Variants in CSMD1 observed in about 807,000 individuals in gnomAD.
CSMD1 encodes CUB and Sushi multiple domains 1.
In CSMD1, 213 loss-of-function variants were observed where a neutral mutation model predicts 417.5. The ratio of observed to expected loss-of-function variants is 0.51; its 90% CI spans 0.46 to 0.57. CSMD1 has a LOEUF of 0.57. Among genes scored for constraint, CSMD1 ranks in the 20% least tolerant of loss-of-function variants. The pLI, the probability that CSMD1 is intolerant of heterozygous loss-of-function variation, is 0.00. For missense variants in CSMD1, 6,923 were observed against 4,529.7 expected, an observed-to-expected ratio of 1.53 and a Z score of -15.17; for synonymous variants, 2,862 against 1,736.8, an observed-to-expected ratio of 1.65 and a Z score of -16.11.
intron 12 of CSMD1, among the ~76,000 whole-genome samples, chr8:3,438,725 A>C (rs1256679680): frequency 6.6e-6 from 1 of 152,084 alleles, no homozygotes; most frequent in East Asian, 1.9e-4. Context: ...ACTATTACTT[A>C]TTATTATGTT....
intron 3 of CSMD1, among the ~76,000 whole-genome samples, chr8:4,215,216 C>G (rs925751945): frequency 1.3e-5 from 2 of 152,200 alleles, no homozygotes; most frequent in Non-Finnish European, 2.9e-5. Context: ...GCTGCGACCT[C>G]TAGGTAGAAA....
chr8:2,949,629 A>G (rs888614467), intron 67 of CSMD1, among the ~76,000 whole-genome samples: 4 of 152,134 alleles, frequency 2.6e-5, no homozygotes, highest in African/African-American at 9.7e-5. Context: ...CTCGAAAATG[A>G]TAGCAAATTT....
intron 37 of CSMD1, among the ~76,000 whole-genome samples, chr8:3,168,929 C>T (rs576351924): frequency 9.9e-5 from 15 of 152,208 alleles, no homozygotes; most frequent in African/African-American, 3.6e-4. Context: ...TTCTCTCTCT[C>T]TCTCTCTCAG....
At chr8:3,289,054 C>G (rs1803361965) in intron 25 of CSMD1, among the ~76,000 whole-genome samples, 1 of 146,900 alleles carries the variant, frequency 6.8e-6, no homozygotes, top group Non-Finnish European at 1.5e-5. Flanking sequence ...TCAATTCCCA[C>G]CTATGAGGGA....
At chr8:3,144,798 G>GGCAAGGGT (rs1554440516) in intron 40 of CSMD1, among the ~76,000 whole-genome samples, 3 of 86,900 alleles carry the variant, frequency 3.5e-5, no homozygotes, top group Non-Finnish European at 5.2e-5. Flanking sequence ...GCAACAAGGG[G>GGCAAGGGT]GGGGGGGAGG....
chr8:4,400,559 C>T (rs1804576784), intron 3 of CSMD1, among the ~76,000 whole-genome samples: 1 of 152,198 alleles, frequency 6.6e-6, no homozygotes, highest in Non-Finnish European at 1.5e-5. Context: ...ACAGGGCCAG[C>T]CACATCAGCC....
intron 5 of CSMD1, among the ~76,000 whole-genome samples, chr8:3,926,266 CCT>C (rs1809719955): frequency 6.6e-6 from 1 of 152,162 alleles, no homozygotes; most frequent in African/African-American, 2.4e-5. Context: ...CAATCCATGT[CCT>C]CTCTAACCAA....
chr8:3,163,038 A>G (rs1819992965), intron 37 of CSMD1, among the ~76,000 whole-genome samples: 1 of 152,236 alleles, frequency 6.6e-6, no homozygotes, highest in African/African-American at 2.4e-5. Flanking sequence ...TGTAGAATCA[A>G]AAATTGATTT....
At chr8:3,926,830 C>G (rs969129468) in intron 5 of CSMD1, among the ~76,000 whole-genome samples, 2 of 150,296 alleles carry the variant, frequency 1.3e-5, no homozygotes, top group African/African-American at 4.9e-5. Context: ...ATTCCCCTGC[C>G]TCAGACTCCC....
At chr8:3,282,534 A>C (rs1802818923) in intron 26 of CSMD1, among the ~76,000 whole-genome samples, 2 of 93,436 alleles carry the variant, frequency 2.1e-5, no homozygotes. Flanking sequence ...GATTAAGAAA[A>C]TTTTATATCA....
At position 4,042,815 on chromosome 8, in the gene CSMD1, T is replaced by TAAAAAAA. The variant is rs60411612; in HGVS notation, c.416-10723_416-10717dup. 3.1e-3 allele frequency among the ~76,000 whole-genome samples: 130 copies of TAAAAAAA among 41,302 alleles called. 15 individuals are homozygous for TAAAAAAA. Among genetic ancestry groups the TAAAAAAA allele is most frequent in the African/African-American group, 0.01 (107 of 10,340 alleles). 27.1% of individuals were successfully genotyped at this position (41,302 alleles called of 152,430 possible). The stretch of plus-strand genomic sequence containing the variant: ...CAATAGGTGAAGTGGTACAACATAT[T>TAAAAAAA]AAAAAAAAAAAAAAAAAAAAAAAAA... On this transcript the variant is annotated intron_variant, in intron 3 of 69. Coordinates refer to ENST00000635120, the MANE Select transcript of CSMD1 (RefSeq NM_033225.6).
chr8:4,383,953 G>C (rs753625780), intron 3 of CSMD1, among the ~76,000 whole-genome samples: 2 of 152,060 alleles, frequency 1.3e-5, no homozygotes, highest in Non-Finnish European at 2.9e-5. Context: ...CTCTTTTATG[G>C]AAACAGCTCT....
chr8:4,283,039 A>T (rs1289054336), intron 3 of CSMD1, among the ~76,000 whole-genome samples: 1 of 152,202 alleles, frequency 6.6e-6, no homozygotes, highest in African/African-American at 2.4e-5. Context: ...TTCATTTAAA[A>T]AAAATGCCTG....
intron 1 of CSMD1, among the ~76,000 whole-genome samples, chr8:4,730,547 T>C (rs903449132): frequency 1.3e-5 from 2 of 152,048 alleles, no homozygotes; most frequent in African/African-American, 4.8e-5. Flanking sequence ...GAGACCATCC[T>C]GGCTAACACG....
chr8:3,907,393 A>T (rs1808183315), intron 5 of CSMD1, among the ~76,000 whole-genome samples: 1 of 152,184 alleles, frequency 6.6e-6, no homozygotes, highest in South Asian at 2.1e-4. Context: ...AAATGGGGTA[A>T]TTTAGGTCTT....
intron 1 of CSMD1, among the ~76,000 whole-genome samples, chr8:4,646,219 A>C (rs900917851): frequency 2.6e-5 from 4 of 152,086 alleles, no homozygotes; most frequent in Non-Finnish European, 5.9e-5. Flanking sequence ...GGTAGAACTA[A>C]TCTTTTTATT....
At chr8:4,777,295 T>C (rs1197410399) in intron 1 of CSMD1, among the ~76,000 whole-genome samples, 4 of 152,146 alleles carry the variant, frequency 2.6e-5, no homozygotes, top group African/African-American at 7.2e-5. Context: ...ATTGACTCAG[T>C]AGGTGGACGA....
intron 4 of CSMD1, among the ~76,000 whole-genome samples, chr8:4,000,565 T>C (rs1585109561): frequency 1.3e-5 from 2 of 152,238 alleles, no homozygotes; most frequent in South Asian, 2.1e-4. Flanking sequence ...AAGTGACTCA[T>C]ACTCTACGTT....
chr8:4,683,779 C>G (rs1806193875), intron 1 of CSMD1, among the ~76,000 whole-genome samples: 1 of 152,104 alleles, frequency 6.6e-6, no homozygotes, highest in Non-Finnish European at 1.5e-5. Context: ...TGAAACTTTT[C>G]TAGGCACTAA....
Sources: allele counts gnomAD v4.1 joint callset (sites outside exome capture counted in the v4.1 genomes callset), GRCh38; gene constraint gnomAD v4.1.1; transcripts MANE v1.5; gene names NCBI Gene and HGNC (gene_info 2026-07-23, HGNC 2026-07-21).